SLAMF9: variants seen among roughly 807,000 people sequenced by gnomAD.
The protein encoded by SLAMF9 is SLAM family member 9.
In SLAMF9, 25 loss-of-function variants were observed where a neutral mutation model predicts 30.4. The ratio of observed to expected loss-of-function variants is 0.82; its 90% CI spans 0.60 to 1.15. The LOEUF (loss-of-function observed/expected upper bound fraction) is 1.15, where lower values mean the gene tolerates loss of function less well. Ranked by LOEUF, SLAMF9 falls within the 50% of genes most tolerant of loss-of-function variation. The probability of loss-of-function intolerance (pLI) is 0.00; values close to 1 mark genes in which losing one functional copy is unlikely to be tolerated. For synonymous variants in SLAMF9, 129 were observed against 127.2 expected, an observed-to-expected ratio of 1.01 and a Z score of -0.09; for missense variants, 344 against 346.1, an observed-to-expected ratio of 0.99 and a Z score of 0.05.
At chr1:159,958,002 G>A (rs779789737), upstream of SLAMF9, among the ~76,000 whole-genome samples, 2 of 152,180 alleles carry the variant, frequency 1.3e-5, no homozygotes, top group African/African-American at 2.4e-5. Flanking sequence ...ACCTTGATGC[G>A]TCTCACAGTC....
chr1:159,952,634 G>A (rs1357216399), intron 2 of SLAMF9, 100 bp from the exon 3 acceptor site: 2 of 1,278,116 alleles, frequency 1.6e-6, no homozygotes, highest in African/African-American at 1.5e-5. Flanking sequence ...CCCCTTGACA[G>A]CCCCTGCACC....
At chr1:159,959,402 A>G in the SLAMF9 span, among the ~76,000 whole-genome samples, 1 of 151,936 alleles carries the variant, frequency 6.6e-6, no homozygotes, top group Non-Finnish European at 1.5e-5. Context: ...TCCTCCCCAG[A>G]GGCCTGTCCA....
the SLAMF9 span, chr1:159,961,332 C>T: frequency 6.6e-6 from 1 of 152,154 alleles, no homozygotes; most frequent in African/African-American, 2.4e-5. Flanking sequence ...CAACTTTCTC[C>T]TTAGCTTCCC....
the SLAMF9 span, chr1:159,965,385 ACAGT>A: frequency 6.6e-6 from 1 of 152,232 alleles, no homozygotes; most frequent in Non-Finnish European, 1.5e-5. Context: ...CTCCCTGTAC[ACAGT>A]CAGTTTGGGG....
At chr1:159,974,164 C>A in the SLAMF9 span, 1 of 832,838 alleles carries the variant, frequency 1.2e-6, no homozygotes, top group African/African-American at 1.7e-5. Flanking sequence ...GGGATGGAGG[C>A]CCTTGGATGG....
chr1:159,972,976 G>A, the SLAMF9 span: 148 of 1,268,208 alleles, frequency 1.2e-4, no homozygotes, highest in Non-Finnish European at 1.4e-4. Flanking sequence ...TGGGGGCGTC[G>A]CCACTCCCTC....
Position 159,953,630 on chromosome 1 carries a change from A to T in SLAMF9, c.70T>A (p.Trp24Arg), listed in dbSNP as rs766972693. ...QEGSQRRLWRWCGSEEVVAVL... is the reference protein window; with the variant it reads ...QEGSQRRLWRRCGSEEVVAVL... ...GCAACCACTTCCTCGGATCCACACC[A>T]TCTCCAGAGTCTCCTTTGGCTGCCT... The change falls in exon 2 of 4, where the codon TGG becomes AGG. Residue 24 changes from tryptophan (W) to arginine (R), a missense_variant. By Grantham distance (101) the Trp-to-Arg change is moderately radical. Coordinates refer to ENST00000368093, the MANE Select transcript of SLAMF9 (RefSeq NM_033438.4). 4.4e-6 allele frequency: 7 copies of T among 1,606,226 alleles called. No homozygotes were observed. The highest frequency in any genetic ancestry group is 6.0e-6 in the Non-Finnish European group (7 of 1,174,048).
At chr1:159,982,623 C>G in the SLAMF9 span, among the ~76,000 whole-genome samples, 2 of 152,152 alleles carry the variant, frequency 1.3e-5, no homozygotes, top group Non-Finnish European at 2.9e-5. Context: ...TTTAGGGAAG[C>G]CTTTAGGGTA....
At chr1:159,961,758 C>T in the SLAMF9 span, among the ~76,000 whole-genome samples, 2 of 152,106 alleles carry the variant, frequency 1.3e-5, no homozygotes, top group African/African-American at 4.8e-5. Flanking sequence ...ACAGGCAGGG[C>T]CGAGAGATGG....
chr1:159,970,987 A>T, the SLAMF9 span, among the ~76,000 whole-genome samples: 1 of 152,212 alleles, frequency 6.6e-6, no homozygotes, highest in African/African-American at 2.4e-5. Context: ...CTCTTCTGGC[A>T]TCAGTGTGTA....
the SLAMF9 span, among the ~76,000 whole-genome samples, chr1:159,978,042 G>C: frequency 6.6e-6 from 1 of 152,050 alleles, no homozygotes; most frequent in South Asian, 2.1e-4. Flanking sequence ...ACACAGATTT[G>C]AAAACTGCCA....
the SLAMF9 span, chr1:159,973,884 C>T: frequency 4.7e-5 from 76 of 1,611,586 alleles, 1 homozygote; most frequent in East Asian, 2.9e-4. Flanking sequence ...GTACTGGCCA[C>T]GGCTCTGCAT....
intron 1 of SLAMF9, 86 bp from the exon 2 acceptor site, chr1:159,953,739 A>T (rs1280621266): frequency 1.6e-6 from 2 of 1,236,942 alleles, no homozygotes; most frequent in East Asian, 2.5e-5. Context: ...GAGTAGCGTA[A>T]TCTCAGCTGG....
the SLAMF9 span, among the ~76,000 whole-genome samples, chr1:159,974,540 G>A: frequency 6.6e-6 from 1 of 152,154 alleles, no homozygotes; most frequent in Non-Finnish European, 1.5e-5. Flanking sequence ...GGGATTGAAG[G>A]AGCCTGATCT....
chr1:159,978,903 A>G, the SLAMF9 span: 2 of 152,242 alleles, frequency 1.3e-5, no homozygotes, highest in Non-Finnish European at 2.9e-5. Context: ...GGATTCTCCC[A>G]TTCCATACCA....
chr1:159,966,067 G>A, the SLAMF9 span, among the ~76,000 whole-genome samples: 2 of 152,080 alleles, frequency 1.3e-5, no homozygotes, highest in Non-Finnish European at 2.9e-5. Context: ...TATTCCTCTT[G>A]TTTAGCTGAA....
At chr1:159,973,573 C>T in the SLAMF9 span, among the ~76,000 whole-genome samples, 3 of 152,186 alleles carry the variant, frequency 2.0e-5, no homozygotes, top group African/African-American at 7.2e-5. Flanking sequence ...CCCAGTGCCC[C>T]ACTCCCAGGA....
At chr1:159,964,870 CA>C in the SLAMF9 span, among the ~76,000 whole-genome samples, 3 of 152,130 alleles carry the variant, frequency 2.0e-5, no homozygotes, top group Non-Finnish European at 2.9e-5. Context: ...TGGAGGCACA[CA>C]AAGAAAGCAC....
chr1:159,962,834 G>A, the SLAMF9 span, among the ~76,000 whole-genome samples: 4 of 152,308 alleles, frequency 2.6e-5, 1 homozygote, highest in African/African-American at 9.6e-5. Flanking sequence ...ATGTAAGCCT[G>A]TTATCCTGCC....
Sources: allele counts gnomAD v4.1 joint callset (sites outside exome capture counted in the v4.1 genomes callset), GRCh38; gene constraint gnomAD v4.1.1; transcripts MANE v1.5; gene names NCBI Gene and HGNC (gene_info 2026-07-23, HGNC 2026-07-21).